BCCIP: variants seen among roughly 807,000 people sequenced by gnomAD.
BCCIP encodes BRCA2 and CDKN1A-interacting protein.
A neutral mutation model predicts 32.8 loss-of-function variants in BCCIP; 23 were observed. The observed-to-expected ratio is 0.70, with a 90% confidence interval of 0.51 to 0.99. BCCIP has a LOEUF of 0.99. BCCIP is among the 50% of genes least tolerant of loss of function. The pLI, the probability that BCCIP is intolerant of heterozygous loss-of-function variation, is 0.00. For synonymous variants in BCCIP, 144 were observed against 137.6 expected, an observed-to-expected ratio of 1.05 and a Z score of -0.33; for missense variants, 378 against 379.8, an observed-to-expected ratio of 1.00 and a Z score of 0.04.
At chr10:125,842,736 C>T (rs1304764523) in exon 7 of BCCIP, 46 of 761,218 alleles carry the variant, frequency 6.0e-5, no homozygotes, top group Non-Finnish European at 7.0e-5. Flanking sequence ...TGACCTGGAT[C>T]TCAGATGCTA....
At chr10:125,842,659 C>A in exon 7 of BCCIP, 1 of 183,376 alleles carries the variant, frequency 5.5e-6, no homozygotes, top group Non-Finnish European at 1.0e-5. Flanking sequence ...CAATGTCTAG[C>A]ATCCAGTAGA....
chr10:125,839,114 CA>C, downstream of BCCIP: 1 of 1,614,212 alleles, frequency 6.2e-7, no homozygotes, highest in Non-Finnish European at 8.5e-7. Context: ...TCTAAGAGTT[CA>C]GCTCGAATAA....
chr10:125,843,284 A>G (rs1014663658), downstream of BCCIP, among the ~76,000 whole-genome samples: 2 of 151,924 alleles, frequency 1.3e-5, no homozygotes, highest in Admixed American at 1.3e-4. Context: ...TATGGTAAAA[A>G]TTTTCTTATG....
chr10:125,833,703 G>A (rs943890718), intron 5 of BCCIP, 69 bp from the exon 6 acceptor site: 38 of 1,565,282 alleles, frequency 2.4e-5, no homozygotes, highest in Middle Eastern at 1.9e-4. Flanking sequence ...CGGGTTTTCT[G>A]TGCTCTGGTT....
In BCCIP at chr10:125,833,961, CTTAT is replaced by C. The variant is rs749373148; in HGVS notation, c.774+18_774+21del. 4 of 1,610,804 alleles carry C rather than the reference CTTAT, an allele frequency of 2.5e-6. No individual in the cohort carries two copies. The highest frequency in any genetic ancestry group is 3.4e-6 in the Non-Finnish European group (4 of 1,177,948). On this transcript the variant is annotated intron_variant, in intron 6 of 6. Transcript: ENST00000278100. The stretch of plus-strand genomic sequence containing the variant: ...TTTTCTATGAGGTAAGACTATCCTG[CTTAT>C]TTGTTTAGATGTAAATAAGGATTTT...
chr10:125,852,185 T>A (rs1316710295), intron 7 of BCCIP: 9 of 1,373,996 alleles, frequency 6.6e-6, no homozygotes, highest in African/African-American at 4.4e-5. Context: ...CAACGCCCCC[T>A]CCATGCTTGT....
downstream of BCCIP, among the ~76,000 whole-genome samples, chr10:125,847,000 G>A (rs1472834636): frequency 1.3e-5 from 2 of 152,172 alleles, no homozygotes; most frequent in African/African-American, 4.8e-5. Context: ...GAGAAATGCA[G>A]TTATCACTTA....
At chr10:125,844,963 TCTGTG>T (rs1322009339), downstream of BCCIP, among the ~76,000 whole-genome samples, 1 of 152,240 alleles carries the variant, frequency 6.6e-6, no homozygotes, top group African/African-American at 2.4e-5. Flanking sequence ...TCTTCACTGT[TCTGTG>T]TGCCTGTTTT....
intron 6 of BCCIP, among the ~76,000 whole-genome samples, chr10:125,835,068 G>C (rs1589698046): frequency 6.6e-6 from 1 of 151,802 alleles, no homozygotes; most frequent in African/African-American, 2.4e-5. Flanking sequence ...GGGAGGCGGA[G>C]CTTGCAGTGA....
At chr10:125,836,602 C>T (rs1564820937), downstream of BCCIP, 1 of 1,499,022 alleles carries the variant, frequency 6.7e-7, no homozygotes, top group Non-Finnish European at 9.0e-7. Context: ...TGAAATCCGT[C>T]TTCGCGTCAT....
At chr10:125,851,949 A>G (rs1944096101) in intron 7 of BCCIP, among the ~76,000 whole-genome samples, 2 of 151,696 alleles carry the variant, frequency 1.3e-5, no homozygotes, top group South Asian at 2.1e-4. Flanking sequence ...AAAGAAAAGA[A>G]AAAAGGACAA....
chr10:125,852,632 G>A lies in BCCIP; in HGVS notation c.851-493G>A, dbSNP rs573673829. On this transcript the variant is annotated intron_variant, in intron 7 of 7. Coordinates refer to the BCCIP transcript ENST00000368759. ...GACGAGCGAGTTTGCTCTTATTCTC[G>A]GGTTGTACACCTTTAAATGGAAAGA... 94 of 1,610,234 alleles carry A rather than the reference G, an allele frequency of 5.8e-5. No individual in the cohort carries two copies. The highest frequency in any genetic ancestry group is 8.0e-5 in the Non-Finnish European group (94 of 1,178,894).
chr10:125,827,591 C>G lies in BCCIP; in HGVS notation c.274C>G (p.Leu92Val), dbSNP rs758471922. 1.2e-6 allele frequency: 2 copies of G among 1,613,060 alleles called. No individual in the cohort carries two copies. Among genetic ancestry groups the G allele is most frequent in the East Asian group, 4.5e-5 (2 of 44,860 alleles). The change falls in exon 3 of 7, where the codon CTA becomes GTA. Residue 92 changes from leucine (L) to valine (V), a missense_variant. By Grantham distance (32) the Leu-to-Val change is conservative (BLOSUM62 1). Transcript: ENST00000278100. ...AAAGGCTCCTGTGAACACTGCAGAA[C>G]TAACAGATCTCTTAATTCAACAGAA... ...FLKAPVNTAE[L>V]TDLLIQQNHI...
At chr10:125,832,997 C>G (rs1221935722) in intron 5 of BCCIP, among the ~76,000 whole-genome samples, 1 of 151,788 alleles carries the variant, frequency 6.6e-6, no homozygotes, top group Non-Finnish European at 1.5e-5. Context: ...TGGTGCAGAC[C>G]TGTAATCCCA....
At chr10:125,833,366 C>A (rs1391461918) in intron 5 of BCCIP, among the ~76,000 whole-genome samples, 1 of 152,190 alleles carries the variant, frequency 6.6e-6, no homozygotes, top group Non-Finnish European at 1.5e-5. Flanking sequence ...TAGTCACAGG[C>A]TGTAGTGACA....
chr10:125,834,508 A>G (rs1198904527), intron 6 of BCCIP, among the ~76,000 whole-genome samples: 1 of 152,034 alleles, frequency 6.6e-6, no homozygotes. Flanking sequence ...TTCCTCTGAA[A>G]AATCTTGAAG....
chr10:125,839,486 C>T (rs973033140), downstream of BCCIP, among the ~76,000 whole-genome samples: 14 of 152,224 alleles, frequency 9.2e-5, no homozygotes, highest in African/African-American at 3.1e-4. Flanking sequence ...ATGTATTTCA[C>T]TAACCCGTGG....
intron 4 of BCCIP, 129 bp from the exon 5 acceptor site, chr10:125,831,291 A>G (rs1854515056): frequency 2.5e-6 from 2 of 801,546 alleles, no homozygotes; most frequent in South Asian, 1.8e-5. Context: ...CTGAAGACAT[A>G]CAAGACGTTA....
Position 125,830,723 on chromosome 10 carries a change from A to G in BCCIP, c.411+72A>G, listed in dbSNP as rs1423899466. On this transcript the variant is annotated intron_variant, in intron 4 of 6. Transcript: ENST00000278100. Reference sequence around the variant, plus strand: ...ACCACTTTTATTTAATGCATGGTGAAAATGTCTTTTATGTTAAACAGTGAT... The same window carrying G: ...ACCACTTTTATTTAATGCATGGTGAGAATGTCTTTTATGTTAAACAGTGAT... The G allele has an allele frequency of 1.4e-5, 12 of 888,398 alleles. No homozygotes were observed. The African/African-American group carries it at 1.8e-4, about 14-fold the overall frequency. The allele number at this position is 888,398 out of a possible 1,614,324, so 55.0% of individuals were successfully genotyped here.
Sources: gnomAD v4.1 joint callset for allele counts (sites outside exome capture counted in the v4.1 genomes callset) on GRCh38, gnomAD v4.1.1 for gene constraint, MANE v1.5 for transcripts, NCBI Gene and HGNC (gene_info 2026-07-23, HGNC 2026-07-21) for gene names.